Variants in NR6A1 observed in about 807,000 individuals in gnomAD.
NR6A1 encodes retinoic acid receptor-related testis-associated receptor.
NR6A1 carries 7 observed loss-of-function variants against 59.1 expected under a neutral mutation model. The ratio of observed to expected loss-of-function variants is 0.12; its 90% CI spans 0.07 to 0.22. The LOEUF (loss-of-function observed/expected upper bound fraction) is 0.22. Ranked by LOEUF, NR6A1 falls within the 10% of genes least tolerant of loss-of-function variation. The pLI, the probability that NR6A1 is intolerant of heterozygous loss-of-function variation, is 1.00. For synonymous variants in NR6A1, 243 were observed against 236.1 expected (o/e 1.03, Z -0.27); for missense variants, 468 against 611.6 (o/e 0.77, Z 2.48).
intron 2 of NR6A1, among the ~76,000 whole-genome samples, chr9:124,609,232 A>G (rs1424880371): frequency 1.3e-5 from 2 of 151,902 alleles, no homozygotes; most frequent in Non-Finnish European, 2.9e-5. Context: ...TAGGGTTTTT[A>G]TGGTTTTGGA....
intron 2 of NR6A1, among the ~76,000 whole-genome samples, chr9:124,702,140 G>A (rs1838978724): frequency 6.6e-6 from 1 of 152,156 alleles, no homozygotes; most frequent in Non-Finnish European, 1.5e-5. Context: ...ATTCATCAAT[G>A]AATTTCTTTT....
At chr9:124,742,151 C>A (rs1840188524) in intron 1 of NR6A1, among the ~76,000 whole-genome samples, 2 of 152,176 alleles carry the variant, frequency 1.3e-5, no homozygotes, top group Admixed American at 1.3e-4. Flanking sequence ...CTATAGGCAA[C>A]AGTGACTGAA....
At chr9:124,562,427 G>GTT (rs889871039) in intron 2 of NR6A1, among the ~76,000 whole-genome samples, 7 of 147,432 alleles carry the variant, frequency 4.7e-5, no homozygotes, top group African/African-American at 1.7e-4. Context: ...AATGTTTTTT[G>GTT]TTTTTTTTTT....
intron 9 of NR6A1, among the ~76,000 whole-genome samples, chr9:124,523,989 T>C (rs1832862243): frequency 6.6e-6 from 1 of 152,168 alleles, no homozygotes; most frequent in South Asian, 2.1e-4. Context: ...GGATTTTATA[T>C]TGAAATAGAC....
At chr9:124,685,797 G>A (rs749317052) in intron 2 of NR6A1, among the ~76,000 whole-genome samples, 3 of 152,082 alleles carry the variant, frequency 2.0e-5, no homozygotes, top group South Asian at 2.1e-4. Flanking sequence ...CTCAAACATC[G>A]GCATTGTCAA....
At chr9:124,586,792 A>T (rs1834950291) in intron 2 of NR6A1, among the ~76,000 whole-genome samples, 1 of 152,208 alleles carries the variant, frequency 6.6e-6, no homozygotes. Flanking sequence ...CTTATGGAGG[A>T]GCAAAGAAAG....
chr9:124,669,850 G>A (rs759639284), intron 2 of NR6A1, among the ~76,000 whole-genome samples: 28 of 152,104 alleles, frequency 1.8e-4, no homozygotes, highest in Non-Finnish European at 3.5e-4. Flanking sequence ...ACCCACCTTG[G>A]CCTCCCAAAG....
intron 1 of NR6A1, among the ~76,000 whole-genome samples, chr9:124,756,800 C>A (rs542189981): frequency 6.6e-6 from 1 of 152,170 alleles, no homozygotes; most frequent in African/African-American, 2.4e-5. Flanking sequence ...AGAAGACACA[C>A]GCACATCAAC....
intron 1 of NR6A1, among the ~76,000 whole-genome samples, chr9:124,767,099 A>T (rs1200609396): frequency 6.6e-6 from 1 of 152,226 alleles, no homozygotes; most frequent in Admixed American, 6.5e-5. Context: ...TGGTATTTTA[A>T]TCTAAACTCT....
chr9:124,619,081 GAACA>G (rs1835984830), intron 2 of NR6A1, among the ~76,000 whole-genome samples: 1 of 152,062 alleles, frequency 6.6e-6, no homozygotes. Flanking sequence ...TCATAATAGA[GAACA>G]AATAAAAACA....
At chr9:124,660,416 G>A (rs964196354) in intron 2 of NR6A1, among the ~76,000 whole-genome samples, 1 of 152,114 alleles carries the variant, frequency 6.6e-6, no homozygotes, top group African/African-American at 2.4e-5. Context: ...CCGAGCAGAC[G>A]TTATTCACAT....
intron 2 of NR6A1, among the ~76,000 whole-genome samples, chr9:124,574,269 C>T (rs777191936): frequency 2.7e-4 from 41 of 152,154 alleles, no homozygotes; most frequent in Admixed American, 9.8e-4. Flanking sequence ...AATTATGACA[C>T]TGGTTTCAGA....
At chr9:124,665,349 A>C (rs1837581058) in intron 2 of NR6A1, among the ~76,000 whole-genome samples, 1 of 152,222 alleles carries the variant, frequency 6.6e-6, no homozygotes, top group African/African-American at 2.4e-5. Flanking sequence ...ATTCAACCAA[A>C]GAATTATGCT....
chr9:124,760,906 A>G (rs1242001913), intron 1 of NR6A1, among the ~76,000 whole-genome samples: 3 of 152,172 alleles, frequency 2.0e-5, no homozygotes, highest in African/African-American at 7.2e-5. Flanking sequence ...TGGGACTACT[A>G]TTGCCATTTC....
At chr9:124,734,770 A>G (rs1187048826) in intron 1 of NR6A1, among the ~76,000 whole-genome samples, 4 of 152,242 alleles carry the variant, frequency 2.6e-5, no homozygotes, top group Non-Finnish European at 1.5e-5. Context: ...CTGGGTGACC[A>G]AAAGCCAGAC....
At chr9:124,725,673 C>T (rs533223998) in intron 2 of NR6A1, among the ~76,000 whole-genome samples, 3 of 152,262 alleles carry the variant, frequency 2.0e-5, no homozygotes, top group Admixed American at 2.0e-4. Context: ...ATGCGGGGCT[C>T]GGCCTGGTAA....
At chr9:124,696,135 A>G (rs1838750939) in intron 2 of NR6A1, among the ~76,000 whole-genome samples, 1 of 152,212 alleles carries the variant, frequency 6.6e-6, no homozygotes. Context: ...AAAAGGACAT[A>G]TTACAGAAGG....
At chr9:124,741,073 C>T (rs75472205) in intron 1 of NR6A1, among the ~76,000 whole-genome samples, 1,942 of 152,208 alleles carry the variant, frequency 0.013, 41 homozygotes, top group African/African-American at 0.043. Context: ...TCTACAATGA[C>T]GAAAATGTCA....
At chr9:124,557,747 A>G (rs1183498378) in intron 2 of NR6A1, among the ~76,000 whole-genome samples, 1 of 152,250 alleles carries the variant, frequency 6.6e-6, no homozygotes, top group African/African-American at 2.4e-5. Flanking sequence ...GAAATGGAAC[A>G]TGGAACACTG....
Sources: allele counts gnomAD v4.1 joint callset (sites outside exome capture counted in the v4.1 genomes callset), GRCh38; gene constraint gnomAD v4.1.1; transcripts MANE v1.5; gene names NCBI Gene and HGNC (gene_info 2026-07-23, HGNC 2026-07-21).